GPHN: variants seen among roughly 807,000 people sequenced by gnomAD.
The protein encoded by GPHN is gephyrin.
Under a neutral mutation model 95.5 loss-of-function variants are expected in GPHN, and 17 were observed. That is an observed-to-expected ratio of 0.18 (90% confidence interval 0.12 to 0.27). The LOEUF is 0.27. GPHN is among the 10% of genes least tolerant of loss of function. GPHN has a pLI of 1.00. For missense variants in GPHN, 660 were observed against 978.1 expected (o/e 0.67, Z 4.34); for synonymous variants, 320 against 322.5 (o/e 0.99, Z 0.08).
chr14:67,323,263 A>G, the GPHN span, among the ~76,000 whole-genome samples: 9,353 of 128,572 alleles, frequency 0.073, 665 homozygotes, highest in African/African-American at 0.22. Flanking sequence ...GTGTGTGTGT[A>G]TATATATATA....
chr14:66,820,791 T>A (rs946263375), intron 3 of GPHN, among the ~76,000 whole-genome samples: 4 of 152,150 alleles, frequency 2.6e-5, no homozygotes, highest in African/African-American at 7.2e-5. Flanking sequence ...TACGAAGCTA[T>A]GTTGTTTGCT....
intron 9 of GPHN, among the ~76,000 whole-genome samples, chr14:66,981,574 T>G (rs2070677835): frequency 6.6e-6 from 1 of 152,132 alleles, no homozygotes; most frequent in Non-Finnish European, 1.5e-5. Flanking sequence ...AAGAAAAAAG[T>G]TTTATTTCTT....
intron 1 of GPHN, chr14:66,550,938 G>A (rs1297908949): frequency 6.5e-6 from 1 of 152,836 alleles, no homozygotes; most frequent in Admixed American, 6.5e-5. Context: ...CTCACTGCAA[G>A]CTCCACCTCC....
At chr14:66,812,842 G>A (rs2060815361) in intron 3 of GPHN, among the ~76,000 whole-genome samples, 2 of 152,112 alleles carry the variant, frequency 1.3e-5, no homozygotes. Flanking sequence ...ACATATTAAT[G>A]TATCCATGCA....
At chr14:66,686,522 G>A (rs1487498605) in intron 2 of GPHN, among the ~76,000 whole-genome samples, 1 of 152,120 alleles carries the variant, frequency 6.6e-6, no homozygotes, top group East Asian at 1.9e-4. Flanking sequence ...ATTGTGAATG[G>A]GAGTTCACTC....
intron 9 of GPHN, among the ~76,000 whole-genome samples, chr14:66,998,055 G>C (rs2071937365): frequency 6.6e-6 from 1 of 152,142 alleles, no homozygotes; most frequent in African/African-American, 2.4e-5. Flanking sequence ...TCCAATCACA[G>C]CCTACAGCAT....
chr14:67,143,068 A>G, intron 17 of GPHN: 1 of 371,424 alleles, frequency 2.7e-6, no homozygotes. Context: ...AAACCAGGAT[A>G]GTTAGACATC....
intron 1 of GPHN, among the ~76,000 whole-genome samples, chr14:66,559,287 A>G (rs971533740): frequency 2.0e-5 from 3 of 150,566 alleles, no homozygotes; most frequent in Non-Finnish European, 4.4e-5. Flanking sequence ...TGGTATTTCT[A>G]TTTCTAGATC....
At chr14:67,127,376 A>G (rs2079392981) in intron 17 of GPHN, among the ~76,000 whole-genome samples, 2 of 152,060 alleles carry the variant, frequency 1.3e-5, no homozygotes, top group African/African-American at 4.8e-5. Flanking sequence ...CCGAATTGAC[A>G]TAAAAAACAA....
At chr14:67,326,703 G>A in the GPHN span, among the ~76,000 whole-genome samples, 2,274 of 152,186 alleles carry the variant, frequency 0.015, 44 homozygotes, top group African/African-American at 0.05. Flanking sequence ...TGTTCTAGAA[G>A]TTCATATAAA....
intron 2 of GPHN, among the ~76,000 whole-genome samples, chr14:66,696,609 C>T (rs980037861): frequency 3.9e-5 from 6 of 152,186 alleles, no homozygotes; most frequent in Non-Finnish European, 5.9e-5. Flanking sequence ...CTATAACCAC[C>T]CTACTCCTGC....
the GPHN span, among the ~76,000 whole-genome samples, chr14:67,211,509 T>A: frequency 6.6e-6 from 1 of 152,212 alleles, no homozygotes; most frequent in Non-Finnish European, 1.5e-5. Context: ...AGAATGTTAA[T>A]AGGTGACAAT....
At chr14:66,590,904 T>C (rs2061613041) in intron 1 of GPHN, among the ~76,000 whole-genome samples, 1 of 152,162 alleles carries the variant, frequency 6.6e-6, no homozygotes, top group African/African-American at 2.4e-5. Flanking sequence ...GCAAAAATCC[T>C]CAATAAAATA....
the GPHN span, among the ~76,000 whole-genome samples, chr14:67,655,028 CAAAA>C: frequency 2.3e-5 from 1 of 43,478 alleles, no homozygotes; most frequent in African/African-American, 1.1e-4. Flanking sequence ...GACTCCATCT[CAAAA>C]AAAAAAAAAA....
intron 10 of GPHN, among the ~76,000 whole-genome samples, chr14:67,036,770 T>C (rs192794345): frequency 6.6e-4 from 101 of 151,986 alleles, no homozygotes; most frequent in Non-Finnish European, 1.2e-3. Context: ...CACAAATCAT[T>C]GCTGAATAAA....
the GPHN span, among the ~76,000 whole-genome samples, chr14:67,464,517 C>T: frequency 3.9e-5 from 6 of 152,188 alleles, no homozygotes; most frequent in South Asian, 2.1e-4. Flanking sequence ...CACCCTCGCC[C>T]CCACCACGCA....
At chr14:66,817,898 A>G (rs2061042139) in intron 3 of GPHN, among the ~76,000 whole-genome samples, 2 of 152,284 alleles carry the variant, frequency 1.3e-5, no homozygotes, top group Middle Eastern at 3.4e-3. Context: ...GATCAAATCA[A>G]GTCAGAAATC....
chr14:67,577,971 T>C, the GPHN span: 1 of 1,559,220 alleles, frequency 6.4e-7, no homozygotes, highest in Non-Finnish European at 8.7e-7. Context: ...CGTTGAGTTC[T>C]CTGAACCCAG....
intron 3 of GPHN, among the ~76,000 whole-genome samples, chr14:66,811,498 T>G (rs897609328): frequency 4.6e-5 from 7 of 150,910 alleles, no homozygotes; most frequent in Non-Finnish European, 1.0e-4. Context: ...TTAGTAAGCA[T>G]GTATTTTAAG....
Sources: allele counts gnomAD v4.1 joint callset (sites outside exome capture counted in the v4.1 genomes callset), GRCh38; gene constraint gnomAD v4.1.1; transcripts MANE v1.5; gene names NCBI Gene and HGNC (gene_info 2026-07-23, HGNC 2026-07-21).